DIP2C: variants seen among roughly 807,000 people sequenced by gnomAD.
The protein encoded by DIP2C is DIP2 acetate--CoA ligase C (putative).
A neutral mutation model predicts 192.4 loss-of-function variants in DIP2C; 33 were observed. The observed-to-expected ratio is 0.17, with a 90% CI of 0.13 to 0.23. The LOEUF is 0.23. Among genes scored for constraint, DIP2C ranks in the 10% least tolerant of loss-of-function variants. The pLI is 1.00. For missense variants in DIP2C, 1,537 were observed against 2,110.1 expected (o/e 0.73, Z 5.32); for synonymous variants, 979 against 864.1 (o/e 1.13, Z -2.33).
chr10:313,913 C>T (rs781177619), intron 31 of DIP2C, among the ~76,000 whole-genome samples: 2 of 152,198 alleles, frequency 1.3e-5, no homozygotes, highest in African/African-American at 2.4e-5. Flanking sequence ...TACTATTCAG[C>T]AATTCACACA....
chr10:622,270 A>T (rs1232555650), intron 1 of DIP2C, among the ~76,000 whole-genome samples: 1 of 88,494 alleles, frequency 1.1e-5, no homozygotes, highest in Non-Finnish European at 2.3e-5. Flanking sequence ...GGGAGGGAGG[A>T]GGGGGAGGGA....
intron 5 of DIP2C, 63 bp downstream of exon 5, chr10:422,761 G>C: frequency 1.3e-6 from 2 of 1,535,240 alleles, no homozygotes; most frequent in South Asian, 2.4e-5. Flanking sequence ...TGCAAACAGA[G>C]AATGTGCACA....
chr10:349,948 A>AAAG (rs1958710931), intron 24 of DIP2C, among the ~76,000 whole-genome samples: 1 of 152,256 alleles, frequency 6.6e-6, no homozygotes, highest in Admixed American at 6.5e-5. Flanking sequence ...ACAGGAATGA[A>AAAG]AAGAACTATC....
chr10:582,226 G>T (rs1458396925), intron 1 of DIP2C, among the ~76,000 whole-genome samples: 2 of 152,166 alleles, frequency 1.3e-5, no homozygotes, highest in African/African-American at 4.8e-5. Context: ...AGCCCTACCG[G>T]CCAGCACCCA....
chr10:486,605 A>T, intron 1 of DIP2C, 75 bp from the exon 2 acceptor site: 1 of 1,281,960 alleles, frequency 7.8e-7, no homozygotes, highest in Non-Finnish European at 1.1e-6. Context: ...GCCCAAGAAG[A>T]CACAGTTATC....
At chr10:682,954 G>A (rs1234148278) in intron 1 of DIP2C, among the ~76,000 whole-genome samples, 3 of 152,116 alleles carry the variant, frequency 2.0e-5, no homozygotes, top group South Asian at 2.1e-4. Context: ...ATCTCTCCAC[G>A]CCTCTCTACC....
At chr10:330,273 G>A (rs147048911) in intron 29 of DIP2C, among the ~76,000 whole-genome samples, 44 of 152,048 alleles carry the variant, frequency 2.9e-4, no homozygotes, top group Non-Finnish European at 4.3e-4. Context: ...CCAAACAGAA[G>A]AAATAGAGAA....
At chr10:417,864 ACAGGCC>A (rs1965823813) in intron 6 of DIP2C, among the ~76,000 whole-genome samples, 1 of 101,888 alleles carries the variant, frequency 9.8e-6, no homozygotes, top group African/African-American at 4.4e-5. Context: ...CAGAGCTCGG[ACAGGCC>A]TCCCTGTCCA....
chr10:400,174 T>C (rs888995043), intron 9 of DIP2C, among the ~76,000 whole-genome samples: 1 of 150,462 alleles, frequency 6.6e-6, no homozygotes, highest in Non-Finnish European at 1.5e-5. Context: ...AGGTGAGCAC[T>C]ACTGCATGCA....
intron 2 of DIP2C, among the ~76,000 whole-genome samples, chr10:485,215 G>A (rs1260206617): frequency 6.6e-6 from 1 of 152,220 alleles, no homozygotes; most frequent in Non-Finnish European, 1.5e-5. Flanking sequence ...CAGCGTCCGT[G>A]GCCTACAGTC....
intron 32 of DIP2C, among the ~76,000 whole-genome samples, chr10:301,222 G>A (rs1362534577): frequency 2.0e-5 from 3 of 152,206 alleles, no homozygotes; most frequent in Non-Finnish European, 4.4e-5. Flanking sequence ...AGGAGAGAGG[G>A]CCGTGGGGTG....
chr10:384,226 A>G (rs956396154), intron 15 of DIP2C, 80 bp from the exon 16 acceptor site: 2 of 1,151,332 alleles, frequency 1.7e-6, no homozygotes, highest in Non-Finnish European at 2.4e-6. Context: ...CATTGTGAGT[A>G]GTGGGGAAGG....
At chr10:357,603 T>C (rs550768442) in intron 23 of DIP2C, among the ~76,000 whole-genome samples, 277 of 152,156 alleles carry the variant, frequency 1.8e-3, no homozygotes, top group Middle Eastern at 0.014. Context: ...AGAGGACAGG[T>C]AGAATAAAGG....
chr10:288,726 G>A (rs528174955), intron 32 of DIP2C, among the ~76,000 whole-genome samples: 18 of 152,344 alleles, frequency 1.2e-4, no homozygotes, highest in Admixed American at 2.6e-4. Flanking sequence ...AAAGAACACG[G>A]ATTACAGAGT....
intron 1 of DIP2C, among the ~76,000 whole-genome samples, chr10:525,802 G>A (rs896141817): frequency 6.6e-5 from 10 of 152,156 alleles, no homozygotes; most frequent in Non-Finnish European, 1.2e-4. Flanking sequence ...TGAGACAGCC[G>A]GGCCTGAGTG....
At chr10:602,091 G>A (rs1028240068) in intron 1 of DIP2C, among the ~76,000 whole-genome samples, 3 of 151,752 alleles carry the variant, frequency 2.0e-5, no homozygotes, top group Non-Finnish European at 2.9e-5. Flanking sequence ...GGGTGGGGGC[G>A]GGGAATGTCT....
rs1564824388 is a variant in DIP2C at position 532,556 on chromosome 10, GGTGAGAGAGAGAGTATGGGT to G, written c.86-46046_86-46027del. 3.7e-4 allele frequency among the ~76,000 whole-genome samples: 50 copies of G among 135,752 alleles called. 1 individual carries two copies. The highest frequency in any genetic ancestry group is 1.3e-3 in the African/African-American group (48 of 36,256). The allele number at this position is 135,752 out of a possible 152,430, so 89.1% of individuals were successfully genotyped here. A position where few individuals can be genotyped will look rare whatever the true frequency, so the allele number is the denominator to read the frequency against. On this transcript the variant is annotated intron_variant, in intron 1 of 36. Transcript: ENST00000280886. ...GAGAGTATGGGTGTGAGAGAGTATG[GGTGAGAGAGAGAGTATGGGT>G]GTGAGAGAGAGTATGGGTGTGAGAG...
intron 23 of DIP2C, among the ~76,000 whole-genome samples, chr10:357,519 G>A (rs1959140184): frequency 6.6e-6 from 1 of 152,200 alleles, no homozygotes; most frequent in South Asian, 2.1e-4. Context: ...TTTCTGCATC[G>A]CTGTGACATT....
At chr10:338,753 G>A (rs759491914) in intron 29 of DIP2C, among the ~76,000 whole-genome samples, 8 of 151,512 alleles carry the variant, frequency 5.3e-5, no homozygotes, top group Non-Finnish European at 8.8e-5. Context: ...ACTCCCCCAC[G>A]CTGCACCCTG....
Sources: allele counts gnomAD v4.1 joint callset (sites outside exome capture counted in the v4.1 genomes callset), GRCh38; gene constraint gnomAD v4.1.1; transcripts MANE v1.5; gene names NCBI Gene and HGNC (gene_info 2026-07-23, HGNC 2026-07-21).